Variants in SLC25A43 observed in about 807,000 individuals in gnomAD.
The protein encoded by SLC25A43 is solute carrier family 25 member 43, also known as solute carrier family 25, member 43.
In SLC25A43, 10 loss-of-function variants were observed where a neutral mutation model predicts 22.8. The observed-to-expected ratio is 0.44, with a 90% confidence interval of 0.27 to 0.74. The LOEUF (loss-of-function observed/expected upper bound fraction) is 0.74. Ranked by LOEUF, SLC25A43 falls within the 30% of genes least tolerant of loss-of-function variation. SLC25A43 has a pLI of 0.17. For synonymous variants in SLC25A43, 106 were observed against 121.6 expected, an observed-to-expected ratio of 0.87 and a Z score of 0.84; for missense variants, 233 against 279.1, an observed-to-expected ratio of 0.83 and a Z score of 1.18.
intron 3 of SLC25A43, among the ~76,000 whole-genome samples, chrX:119,443,432 TTC>T (rs748821003): frequency 2.1e-5 from 2 of 94,894 alleles, no homozygotes; most frequent in East Asian, 3.3e-4. Context: ...CCATTCTCTA[TTC>T]TCTCTCTCTC....
At chrX:119,442,103 A>T (rs2052627821) in intron 3 of SLC25A43, among the ~76,000 whole-genome samples, 1 of 111,490 alleles carries the variant, frequency 9.0e-6, no homozygotes, top group African/African-American at 3.3e-5. Context: ...AAATAATAAT[A>T]ATAATACATC....
intron 3 of SLC25A43, among the ~76,000 whole-genome samples, chrX:119,441,815 C>T (rs893324449): frequency 4.5e-5 from 5 of 111,557 alleles, no homozygotes; most frequent in Admixed American, 9.5e-5. Context: ...CGTGGCCAGG[C>T]GCAGTGGCTC....
chrX:119,406,467 G>C lies in SLC25A43; in HGVS notation c.283G>C (p.Val95Leu). The C allele has an allele frequency of 8.3e-7, 1 of 1,209,095 alleles. No homozygotes were observed. Among genetic ancestry groups the C allele is most frequent in the Non-Finnish European group, 1.1e-6 (1 of 894,565 alleles). The stretch of plus-strand genomic sequence containing the variant: ...CCCCCTATTTTCTCCCAGATTTGTT[G>C]TGCTGTTCACAGATGACCTGGGCCA... ...VQLAAYRKFV[V>L]LFTDDLGHIS... is the part of the protein sequence containing the mutation. Residue 95 changes from valine (V) to leucine (L), a missense_variant, in exon 2 of 5, where the codon GTG (valine) becomes CTG (leucine). Val to Leu is a conservative substitution (Grantham distance 32). Transcript: ENST00000217909.
intron 3 of SLC25A43, among the ~76,000 whole-genome samples, chrX:119,417,796 G>C (rs2052418386): frequency 9.1e-6 from 1 of 110,414 alleles, no homozygotes; most frequent in Non-Finnish European, 1.9e-5. Context: ...AATCCAAAGA[G>C]GTAATTGCAC....
chrX:119,443,266 T>C lies in SLC25A43; in HGVS notation c.691-8743T>C, dbSNP rs749187566. Among the ~76,000 whole-genome samples the C allele has an allele frequency of 5.9e-3, 628 of 105,649 alleles. 5 individuals carry two copies. The highest frequency in any genetic ancestry group is 0.02 in the African/African-American group (579 of 28,806). 91.7% of individuals were successfully genotyped at this position (105,649 alleles called of 115,157 possible). A position where few individuals can be genotyped will look rare whatever the true frequency, so the allele number is the denominator to read the frequency against. On this transcript the variant is annotated intron_variant, in intron 3 of 4. Transcript: ENST00000217909. ...TCCCGAGTGGCCGGGATTACAGGCA[T>C]CTGCCACCATGCCCGGCTAATTTTT...
chrX:119,425,071 A>G (rs890743815), intron 3 of SLC25A43, among the ~76,000 whole-genome samples: 1 of 112,465 alleles, frequency 8.9e-6, no homozygotes, highest in Non-Finnish European at 1.9e-5. Context: ...GAGGAAAAAA[A>G]AAAAATCTTT....
chrX:119,402,569 G>A (rs1386148429), intron 1 of SLC25A43, among the ~76,000 whole-genome samples: 1 of 112,021 alleles, frequency 8.9e-6, no homozygotes, highest in Admixed American at 9.5e-5. Context: ...ATGTTTGGCT[G>A]CACTGGCTGC....
intron 2 of SLC25A43, among the ~76,000 whole-genome samples, chrX:119,408,896 A>C (rs978256372): frequency 5.4e-5 from 6 of 110,749 alleles, no homozygotes; most frequent in Non-Finnish European, 7.6e-5. Flanking sequence ...CTCCCTCACC[A>C]TCGAGAGTCT....
chrX:119,410,132 T>G (rs757450545), intron 2 of SLC25A43, 58 bp from the exon 3 acceptor site: 172 of 1,148,892 alleles, frequency 1.5e-4, no homozygotes, highest in Non-Finnish European at 2.0e-4. Flanking sequence ...GGAATTTATG[T>G]TCTCAAGCCA....
intron 3 of SLC25A43, among the ~76,000 whole-genome samples, chrX:119,424,301 C>T (rs2052484310): frequency 9.0e-6 from 1 of 111,063 alleles, no homozygotes; most frequent in Non-Finnish European, 1.9e-5. Flanking sequence ...GTTTATTATC[C>T]CATTTAACTG....
chrX:119,400,704 G>A (rs1322983340), intron 1 of SLC25A43, among the ~76,000 whole-genome samples: 2 of 112,360 alleles, frequency 1.8e-5, no homozygotes, highest in African/African-American at 6.5e-5. Context: ...CCGACAAGCC[G>A]AACGGAATCA....
chrX:119,400,856 C>T (rs1010936504), intron 1 of SLC25A43, among the ~76,000 whole-genome samples: 2 of 111,412 alleles, frequency 1.8e-5, no homozygotes, highest in African/African-American at 6.5e-5. Flanking sequence ...CCTCTGCTTG[C>T]CCTCATCAAC....
chrX:119,418,652 CCCTTTTT>C (rs1349268927), intron 3 of SLC25A43, among the ~76,000 whole-genome samples: 5 of 112,422 alleles, frequency 4.4e-5, no homozygotes, highest in African/African-American at 1.6e-4. Context: ...CTCATTTTAT[CCCTTTTT>C]CCTTTTCTTG....
chrX:119,434,076 A>G (rs2052577222), intron 3 of SLC25A43, among the ~76,000 whole-genome samples: 2 of 111,096 alleles, frequency 1.8e-5, no homozygotes. Flanking sequence ...CTAGGGTGAG[A>G]GTGGAAAGAA....
intron 3 of SLC25A43, among the ~76,000 whole-genome samples, chrX:119,413,839 C>CT (rs1317241132): frequency 1.8e-5 from 2 of 111,612 alleles, no homozygotes; most frequent in Admixed American, 9.6e-5. Context: ...ACAATTTCTC[C>CT]TTTTTTTAAT....
intron 1 of SLC25A43, among the ~76,000 whole-genome samples, chrX:119,405,595 CAAAAAAA>C (rs56389948): frequency 1.6e-4 from 8 of 51,166 alleles, no homozygotes; most frequent in East Asian, 2.1e-3. Flanking sequence ...CCTATCTCTA[CAAAAAAA>C]AAAAAAAAAA....
chrX:119,418,407 T>A (rs2052424434), intron 3 of SLC25A43, among the ~76,000 whole-genome samples: 1 of 111,992 alleles, frequency 8.9e-6, no homozygotes, highest in South Asian at 3.7e-4. Flanking sequence ...TTGCACTGCC[T>A]GTCATGAAGC....
At chrX:119,408,483 G>A (rs1216081897) in intron 2 of SLC25A43, among the ~76,000 whole-genome samples, 1 of 111,114 alleles carries the variant, frequency 9.0e-6, no homozygotes, top group African/African-American at 3.3e-5. Context: ...TGCCCTGGCT[G>A]TCTGTTCTCC....
chrX:119,426,296 G>A (rs887157018), intron 3 of SLC25A43: 14 of 701,221 alleles, frequency 2.0e-5, no homozygotes, highest in Non-Finnish European at 1.0e-5. Context: ...TTACTCCCGC[G>A]TGAACTTGTG....
Sources: gnomAD v4.1 joint callset for allele counts (sites outside exome capture counted in the v4.1 genomes callset) on GRCh38, gnomAD v4.1.1 for gene constraint, MANE v1.5 for transcripts, NCBI Gene and HGNC (gene_info 2026-07-23, HGNC 2026-07-21) for gene names.